Variants in SMYD3 observed in about 807,000 individuals in gnomAD.
SMYD3 encodes the protein SET and MYND domain containing 3, also known as histone-lysine N-methyltransferase SMYD3.
Under a neutral mutation model 57.7 loss-of-function variants are expected in SMYD3, and 36 were observed. The ratio of observed to expected loss-of-function variants is 0.62; its 90% CI spans 0.48 to 0.82. The LOEUF is 0.82. SMYD3 is among the 40% of genes least tolerant of loss of function. SMYD3 has a pLI of 0.00. For synonymous variants in SMYD3, 211 were observed against 195.0 expected, an observed-to-expected ratio of 1.08 and a Z score of -0.68; for missense variants, 515 against 538.8, an observed-to-expected ratio of 0.96 and a Z score of 0.44.
chr1:246,410,976 C>A (rs2066957931), intron 1 of SMYD3, among the ~76,000 whole-genome samples: 1 of 152,110 alleles, frequency 6.6e-6, no homozygotes, highest in African/African-American at 2.4e-5. Context: ...TTATAGTATT[C>A]TCTGATGGTA....
chr1:246,455,932 C>G (rs1171975117), intron 1 of SMYD3, among the ~76,000 whole-genome samples: 1 of 152,176 alleles, frequency 6.6e-6, no homozygotes, highest in African/African-American at 2.4e-5. Context: ...CAATCAACAA[C>G]AGATACGTGA....
At chr1:246,049,327 C>T (rs978465927) in intron 5 of SMYD3, among the ~76,000 whole-genome samples, 4 of 152,024 alleles carry the variant, frequency 2.6e-5, no homozygotes, top group Admixed American at 1.3e-4. Context: ...GATGGAGTCT[C>T]GCTCTGTCGC....
chr1:246,507,003 A>ACCCCCC, intron 1 of SMYD3, 51 bp downstream of exon 1: 1 of 691,574 alleles, frequency 1.4e-6, no homozygotes, highest in South Asian at 2.7e-5. Context: ...CCCCCTCCCC[A>ACCCCCC]GCACCCCACA....
chr1:246,252,871 TCA>T (rs1226777743), intron 5 of SMYD3, among the ~76,000 whole-genome samples: 1 of 152,192 alleles, frequency 6.6e-6, no homozygotes, highest in Non-Finnish European at 1.5e-5. Context: ...CACAGTTCTA[TCA>T]CAGAGCACAG....
At chr1:246,388,055 T>C (rs2066515290) in intron 1 of SMYD3, among the ~76,000 whole-genome samples, 1 of 75,290 alleles carries the variant, frequency 1.3e-5, no homozygotes, top group African/African-American at 5.1e-5. Flanking sequence ...ACCTCGAGGT[T>C]GAAGTCAGTT....
chr1:246,360,256 C>T (rs116113560), intron 1 of SMYD3, among the ~76,000 whole-genome samples: 7,031 of 152,074 alleles, frequency 0.046, 201 homozygotes, highest in Non-Finnish European at 0.057. Context: ...TAGGAATACA[C>T]CTAACTAAGG....
At chr1:246,414,706 T>G (rs74985478) in intron 1 of SMYD3, among the ~76,000 whole-genome samples, 17 of 141,314 alleles carry the variant, frequency 1.2e-4, no homozygotes, top group Admixed American at 1.0e-3. Context: ...CCAGTTTTGG[T>G]TTTTTTGCTG....
intron 1 of SMYD3, among the ~76,000 whole-genome samples, chr1:246,448,728 A>AAAAG (rs59949545): frequency 2.0e-5 from 3 of 148,328 alleles, no homozygotes; most frequent in African/African-American, 7.4e-5. Flanking sequence ...AAAAAAAAAA[A>AAAAG]GGACAAAATG....
intron 5 of SMYD3, among the ~76,000 whole-genome samples, chr1:245,979,904 C>T (rs1201536242): frequency 6.6e-6 from 1 of 152,214 alleles, no homozygotes; most frequent in East Asian, 1.9e-4. Flanking sequence ...AATGCATTCT[C>T]CTGGATCTCA....
At chr1:246,072,549 CCAGATTCA>C (rs2060476401) in intron 5 of SMYD3, among the ~76,000 whole-genome samples, 1 of 152,146 alleles carries the variant, frequency 6.6e-6, no homozygotes, top group Non-Finnish European at 1.5e-5. Context: ...TGTACAGGTG[CCAGATTCA>C]CAAGGGGTAG....
At chr1:245,938,612 G>T (rs1391834445) in intron 5 of SMYD3, among the ~76,000 whole-genome samples, 1 of 152,148 alleles carries the variant, frequency 6.6e-6, no homozygotes, top group Non-Finnish European at 1.5e-5. Flanking sequence ...CTGTTCCTTT[G>T]TACAGAAGTA....
At chr1:245,774,165 G>A (rs572375422) in intron 10 of SMYD3, among the ~76,000 whole-genome samples, 23 of 152,334 alleles carry the variant, frequency 1.5e-4, no homozygotes, top group Middle Eastern at 6.8e-3. Flanking sequence ...CAAATAAGCA[G>A]AATAGCTGAA....
At chr1:246,047,919 G>A (rs1386255803) in intron 5 of SMYD3, among the ~76,000 whole-genome samples, 1 of 151,982 alleles carries the variant, frequency 6.6e-6, no homozygotes, top group Admixed American at 6.6e-5. Flanking sequence ...AACCCACAGG[G>A]CATTTTTTAA....
chr1:246,368,492 C>T (rs1419804535), intron 1 of SMYD3, among the ~76,000 whole-genome samples: 4 of 152,188 alleles, frequency 2.6e-5, no homozygotes, highest in African/African-American at 9.7e-5. Context: ...AATTCATCTA[C>T]AACACATTCC....
intron 5 of SMYD3, among the ~76,000 whole-genome samples, chr1:246,274,693 C>T (rs985273481): frequency 3.3e-5 from 5 of 152,116 alleles, no homozygotes; most frequent in Non-Finnish European, 7.3e-5. Context: ...CAGACACAGG[C>T]CGTCCGAAGG....
At chr1:246,276,193 C>A (rs2064328481) in intron 5 of SMYD3, among the ~76,000 whole-genome samples, 1 of 121,926 alleles carries the variant, frequency 8.2e-6, no homozygotes, top group African/African-American at 2.9e-5. Context: ...CTGTTTTTTA[C>A]TAACCGTATT....
At chr1:246,467,318 T>C (rs2067896910) in intron 1 of SMYD3, among the ~76,000 whole-genome samples, 1 of 152,154 alleles carries the variant, frequency 6.6e-6, no homozygotes, top group Admixed American at 6.5e-5. Flanking sequence ...CCTGTTTTGC[T>C]TGAACTACCC....
chr1:246,347,799 A>G (rs75932170), intron 2 of SMYD3, among the ~76,000 whole-genome samples: 4,768 of 152,182 alleles, frequency 0.031, 93 homozygotes, highest in Non-Finnish European at 0.04. Context: ...GTGAGTCAAC[A>G]AATTTCCGCT....
chr1:245,852,557 T>C (rs9287179), intron 10 of SMYD3, among the ~76,000 whole-genome samples: 152,346 of 152,350 alleles, frequency 1, 76,171 homozygotes, highest in Non-Finnish European at 1. Context: ...CATATTAGCC[T>C]TGGATTATCC....
Sources: gnomAD v4.1 joint callset for allele counts (sites outside exome capture counted in the v4.1 genomes callset) on GRCh38, gnomAD v4.1.1 for gene constraint, MANE v1.5 for transcripts, NCBI Gene and HGNC (gene_info 2026-07-23, HGNC 2026-07-21) for gene names.